HS3ST4: variants seen among roughly 807,000 people sequenced by gnomAD.
The protein encoded by HS3ST4 is heparan sulfate-glucosamine 3-sulfotransferase 4, also known as heparan sulfate glucosamine 3-O-sulfotransferase 4.
Under a neutral mutation model 29.2 loss-of-function variants are expected in HS3ST4, and 17 were observed. The observed-to-expected ratio is 0.58, with a 90% CI of 0.40 to 0.87. The LOEUF (loss-of-function observed/expected upper bound fraction) is 0.87. Ranked by LOEUF, HS3ST4 falls within the 40% of genes least tolerant of loss-of-function variation. The pLI is 0.00. For missense variants in HS3ST4, 627 were observed against 634.5 expected, an observed-to-expected ratio of 0.99 and a Z score of 0.13; for synonymous variants, 314 against 285.7, an observed-to-expected ratio of 1.10 and a Z score of -1.00.
intron 1 of HS3ST4, among the ~76,000 whole-genome samples, chr16:26,093,498 C>G (rs1898883307): frequency 6.6e-6 from 1 of 152,182 alleles, no homozygotes; most frequent in Non-Finnish European, 1.5e-5. Context: ...CAGCAAACCC[C>G]AACAGACCTG....
intron 1 of HS3ST4, among the ~76,000 whole-genome samples, chr16:25,847,962 A>G (rs1967482549): frequency 6.6e-6 from 1 of 152,056 alleles, no homozygotes; most frequent in African/African-American, 2.4e-5. Flanking sequence ...GTAAAATACA[A>G]TTTGGTTTTT....
chr16:25,756,115 C>T (rs1024894167), intron 1 of HS3ST4, among the ~76,000 whole-genome samples: 1 of 138,170 alleles, frequency 7.2e-6, no homozygotes, highest in African/African-American at 2.8e-5. Flanking sequence ...TATAGAAACA[C>T]ACACACACAC....
intron 1 of HS3ST4, among the ~76,000 whole-genome samples, chr16:25,843,923 G>T (rs1967439911): frequency 6.6e-6 from 1 of 152,054 alleles, no homozygotes; most frequent in African/African-American, 2.4e-5. Flanking sequence ...CTCTCATGTT[G>T]CCCCAGTCTC....
intron 1 of HS3ST4, among the ~76,000 whole-genome samples, chr16:25,953,935 G>C (rs1055847587): frequency 4.6e-5 from 7 of 152,150 alleles, no homozygotes; most frequent in Non-Finnish European, 8.8e-5. Flanking sequence ...GCTCCTGCGG[G>C]TGCTACCTCT....
chr16:26,106,455 C>A (rs569035876), intron 1 of HS3ST4, among the ~76,000 whole-genome samples: 1 of 152,154 alleles, frequency 6.6e-6, no homozygotes, highest in Non-Finnish European at 1.5e-5. Context: ...AGTGGTGAAC[C>A]AAAACACATG....
At chr16:25,721,477 A>AT (rs36032510) in intron 1 of HS3ST4, among the ~76,000 whole-genome samples, 4 of 151,908 alleles carry the variant, frequency 2.6e-5, no homozygotes, top group Non-Finnish European at 5.9e-5. Flanking sequence ...ATAAAGCAAT[A>AT]TTTTTTTCAC....
At chr16:25,846,484 T>C (rs1263776413) in intron 1 of HS3ST4, among the ~76,000 whole-genome samples, 1 of 151,530 alleles carries the variant, frequency 6.6e-6, no homozygotes, top group Non-Finnish European at 1.5e-5. Context: ...CAGTGAGCCA[T>C]GATCACACCA....
chr16:25,894,646 C>T (rs967011324), intron 1 of HS3ST4, among the ~76,000 whole-genome samples: 2 of 151,988 alleles, frequency 1.3e-5, no homozygotes, highest in African/African-American at 2.4e-5. Context: ...GCTGGGATTA[C>T]AGGCACCTGA....
chr16:25,709,582 T>A (rs1253852835), intron 1 of HS3ST4, among the ~76,000 whole-genome samples: 1 of 152,142 alleles, frequency 6.6e-6, no homozygotes, highest in Admixed American at 6.5e-5. Flanking sequence ...AGGACCTAGG[T>A]TCTGTTTTGT....
intron 1 of HS3ST4, among the ~76,000 whole-genome samples, chr16:25,923,998 G>A (rs764197905): frequency 1.4e-4 from 22 of 152,206 alleles, no homozygotes; most frequent in Middle Eastern, 3.4e-3. Context: ...TCTCCTCTGC[G>A]CTTTGGCCAC....
chr16:26,033,903 T>C lies in HS3ST4; in HGVS notation c.735-101709T>C, dbSNP rs115677264. 4.3e-3 allele frequency among the ~76,000 whole-genome samples: 662 copies of C among 152,252 alleles called. 3 individuals carry two copies. The highest frequency in any genetic ancestry group is 0.015 in the African/African-American group (640 of 41,548). On this transcript the variant is annotated intron_variant, in intron 1 of 1. Transcript: ENST00000331351. ...ATCAAAGATAGTATGAAGGCTGCGG[T>C]GTAGTCAGGATTATGTGAACAAAGA...
At chr16:25,815,667 A>G (rs1252743065) in intron 1 of HS3ST4, among the ~76,000 whole-genome samples, 2 of 152,204 alleles carry the variant, frequency 1.3e-5, no homozygotes, top group African/African-American at 4.8e-5. Context: ...TGACTGTATG[A>G]ACCCTCCTAG....
intron 1 of HS3ST4, among the ~76,000 whole-genome samples, chr16:25,758,094 G>A (rs1339326429): frequency 2.0e-5 from 3 of 152,108 alleles, no homozygotes; most frequent in Non-Finnish European, 4.4e-5. Flanking sequence ...CGAGATAAGG[G>A]AGATACCTTG....
intron 1 of HS3ST4, chr16:26,029,114 T>C (rs1022502018): frequency 3.9e-5 from 6 of 152,240 alleles, no homozygotes; most frequent in Non-Finnish European, 4.4e-5. Context: ...ATTCATGAAT[T>C]CTGAGAATTT....
intron 1 of HS3ST4, among the ~76,000 whole-genome samples, chr16:25,766,083 C>A (rs1966817411): frequency 6.6e-6 from 1 of 151,964 alleles, no homozygotes; most frequent in African/African-American, 2.4e-5. Context: ...GTGAGGACAT[C>A]TCTGGACTTG....
chr16:25,802,204 T>C (rs1393565752), intron 1 of HS3ST4, among the ~76,000 whole-genome samples: 1 of 152,154 alleles, frequency 6.6e-6, no homozygotes, highest in East Asian at 1.9e-4. Context: ...GGAATGTTTA[T>C]TTAGATTTAA....
rs553458867 is a variant in HS3ST4 at position 25,789,439 on chromosome 16, C to T, written c.734+96288C>T. On this transcript the variant is annotated intron_variant, in intron 1 of 1. Transcript: ENST00000331351. Reference sequence around the variant, plus strand: ...CCTTCCTTCCTTCCTTCCTTCCTTCCTTCCTTCCTTCCTTCCTTCCTTCCT... The same window carrying T: ...CCTTCCTTCCTTCCTTCCTTCCTTCTTTCCTTCCTTCCTTCCTTCCTTCCT... Among the ~76,000 whole-genome samples, 29 of 61,716 alleles carry T rather than the reference C, an allele frequency of 4.7e-4. 1 individual carries two copies. Among genetic ancestry groups the T allele is most frequent in the Non-Finnish European group, 6.2e-4 (18 of 29,152 alleles). The allele number at this position is 61,716 out of a possible 152,430, so 40.5% of individuals were successfully genotyped here. A position where few individuals can be genotyped will look rare whatever the true frequency, so the allele number is the denominator to read the frequency against.
At chr16:25,920,021 G>A (rs1215377643) in intron 1 of HS3ST4, among the ~76,000 whole-genome samples, 1 of 152,174 alleles carries the variant, frequency 6.6e-6, no homozygotes, top group African/African-American at 2.4e-5. Flanking sequence ...GTGGATCTGA[G>A]TCTTTTGCTT....
At chr16:25,984,509 G>C (rs1969041649) in intron 1 of HS3ST4, among the ~76,000 whole-genome samples, 1 of 152,182 alleles carries the variant, frequency 6.6e-6, no homozygotes, top group Non-Finnish European at 1.5e-5. Context: ...GCAGGTACCA[G>C]CCTATGGCCT....
Sources: gnomAD v4.1 joint callset for allele counts (sites outside exome capture counted in the v4.1 genomes callset) on GRCh38, gnomAD v4.1.1 for gene constraint, MANE v1.5 for transcripts, NCBI Gene and HGNC (gene_info 2026-07-23, HGNC 2026-07-21) for gene names.